Variants in RLF observed in about 807,000 individuals in gnomAD.
RLF encodes the protein RLF zinc finger.
Under a neutral mutation model 162.9 loss-of-function variants are expected in RLF, and 7 were observed. The ratio of observed to expected loss-of-function variants is 0.04; its 90% CI spans 0.02 to 0.08. RLF has a LOEUF of 0.08. RLF is among the 10% of genes least tolerant of loss of function. The pLI, the probability that RLF is intolerant of heterozygous loss-of-function variation, is 1.00. For synonymous variants in RLF, 782 were observed against 791.5 expected (o/e 0.99, Z 0.20); for missense variants, 1,664 against 2,244.7 (o/e 0.74, Z 5.23).
intron 1 of RLF, among the ~76,000 whole-genome samples, chr1:40,178,362 A>T (rs1463413145): frequency 1.3e-5 from 2 of 152,084 alleles, no homozygotes; most frequent in Non-Finnish European, 2.9e-5. Context: ...GCACATAGAG[A>T]CAGGAAATAG....
rs577930241 is a variant in RLF at position 40,179,588 on chromosome 1, T to G, written c.238-9467T>G. ...TACTTTTATTGTGGTAAAGTATACG[T>G]AACATAGAATTTGCCATCTTAACCA... On this transcript the variant is annotated intron_variant, in intron 1 of 7. Coordinates refer to ENST00000372771, the MANE Select transcript of RLF (RefSeq NM_012421.4). 4.6e-5 allele frequency among the ~76,000 whole-genome samples: 7 copies of G among 151,930 alleles called. No homozygotes were observed. The South Asian group carries it at 1.5e-3, about 32-fold the overall frequency.
intron 1 of RLF, among the ~76,000 whole-genome samples, chr1:40,170,894 C>T (rs1642234845): frequency 6.6e-6 from 1 of 152,110 alleles, no homozygotes; most frequent in Non-Finnish European, 1.5e-5. Flanking sequence ...TTGTTTATTT[C>T]TCGCCACTTG....
In RLF at chr1:40,239,869, A is replaced by G. The variant is rs1334363048; in HGVS notation, c.5167A>G (p.Ile1723Val). 6.2e-7 allele frequency: 1 copy of G among 1,613,818 alleles called. No homozygotes were observed. Among genetic ancestry groups the G allele is most frequent in the African/African-American group, 1.3e-5 (1 of 74,942 alleles). ...FTSFQLPLPRIKESETRQHSS... is the reference protein window; with the variant it reads ...FTSFQLPLPRVKESETRQHSS... ...AAGTTTCCAGCTGCCTTTACCAAGG[A>G]TCAAAGAATCAGAAACTAGGCAGCA... Residue 1723 changes from isoleucine to valine, a missense_variant, in exon 8 of 8, where the codon ATC becomes GTC. Physicochemically the swap from Ile to Val is conservative, Grantham distance 29 (BLOSUM62 3). Around this residue, in one of 15 missense-constraint regions of RLF, gnomAD observed 327 missense variants for 342.7 expected, o/e 0.95. Transcript: ENST00000372771.
intron 6 of RLF, among the ~76,000 whole-genome samples, chr1:40,225,852 C>A (rs1418623132): frequency 7.8e-6 from 1 of 128,964 alleles, no homozygotes; most frequent in South Asian, 2.5e-4. Context: ...GCACTCCAGC[C>A]TGGGTGACAG....
rs1202493179 is a variant in RLF at position 40,239,433 on chromosome 1, T to C, written c.4731T>C (p.Ser1577=). ...VRHYKRTHQM[S]SAYLEQQMEN... The stretch of plus-strand genomic sequence containing the variant: ...ATTACAAACGCACTCATCAGATGAG[T>C]AGTGCCTATTTAGAGCAACAGATGG... The change falls in exon 8 of 8, where the codon AGT becomes AGC. Residue 1577 remains serine, a synonymous_variant. Coordinates refer to ENST00000372771, the MANE Select transcript of RLF (RefSeq NM_012421.4). The C allele has an allele frequency of 2.5e-6, 4 of 1,613,922 alleles. No individual in the cohort carries two copies. The highest frequency in any genetic ancestry group is 3.4e-6 in the Non-Finnish European group (4 of 1,180,008).
chr1:40,206,976 C>T (rs1487122128), intron 5 of RLF, among the ~76,000 whole-genome samples: 1 of 152,192 alleles, frequency 6.6e-6, no homozygotes, highest in Non-Finnish European at 1.5e-5. Context: ...TATCTGCTGT[C>T]ATTATTATAA....
At chr1:40,214,032 A>G (rs1570549466) in intron 5 of RLF, among the ~76,000 whole-genome samples, 1 of 152,168 alleles carries the variant, frequency 6.6e-6, no homozygotes, top group East Asian at 1.9e-4. Context: ...GCCTTTTCCT[A>G]ATTTGTTTTC....
intron 1 of RLF, among the ~76,000 whole-genome samples, chr1:40,162,771 C>A (rs1002056710): frequency 2.4e-4 from 37 of 152,180 alleles, no homozygotes; most frequent in African/African-American, 8.2e-4. Flanking sequence ...GTGGATTGTA[C>A]CACTCCAATT....
chr1:40,224,915 A>G (rs1261217929), intron 6 of RLF, among the ~76,000 whole-genome samples: 2 of 151,804 alleles, frequency 1.3e-5, no homozygotes, highest in Non-Finnish European at 2.9e-5. Flanking sequence ...TGAACCTGGG[A>G]GGCGGAGGTT....
At chr1:40,166,214 CAA>C (rs1642163244) in intron 1 of RLF, among the ~76,000 whole-genome samples, 2 of 151,862 alleles carry the variant, frequency 1.3e-5, no homozygotes, top group South Asian at 4.2e-4. Flanking sequence ...GCCTGGCACA[CAA>C]AACTAATTTG....
intron 5 of RLF, among the ~76,000 whole-genome samples, chr1:40,221,637 A>G (rs1486450705): frequency 3.3e-5 from 5 of 150,470 alleles, no homozygotes; most frequent in Non-Finnish European, 5.9e-5. Flanking sequence ...ACGGTGGCTC[A>G]CGACTGTAAT....
At chr1:40,167,726 A>G (rs1371053862) in intron 1 of RLF, among the ~76,000 whole-genome samples, 1 of 149,936 alleles carries the variant, frequency 6.7e-6, no homozygotes, top group East Asian at 1.9e-4. Context: ...TCAAATCACT[A>G]CTAATCTTGT....
intron 4 of RLF, among the ~76,000 whole-genome samples, chr1:40,197,597 A>T (rs575831675): frequency 3.1e-4 from 47 of 152,376 alleles, no homozygotes; most frequent in African/African-American, 1.1e-3. Flanking sequence ...CATTTTTAAC[A>T]TAGAAAAACA....
intron 1 of RLF, among the ~76,000 whole-genome samples, chr1:40,178,631 T>TG (rs1491428894): frequency 1.4e-5 from 2 of 144,836 alleles, no homozygotes; most frequent in African/African-American, 2.6e-5. Flanking sequence ...TTTTTTTTTT[T>TG]GTTTTTTTTT....
chr1:40,170,307 G>T (rs1434544264), intron 1 of RLF, among the ~76,000 whole-genome samples: 1 of 151,900 alleles, frequency 6.6e-6, no homozygotes, highest in Admixed American at 6.5e-5. Flanking sequence ...AGGCTGGAGT[G>T]CGGTGGTGCA....
chr1:40,198,301 C>CTTTT lies in RLF; in HGVS notation c.607+2553_607+2556dup, dbSNP rs34816285. ...AGGTGTGAGCCACCGCGCCCGGCCT[C>CTTTT]TTTTTTTTTTTTTTTTTTTAAAGAC... On this transcript the variant is annotated intron_variant, in intron 4 of 7. Coordinates refer to ENST00000372771, the MANE Select transcript of RLF (RefSeq NM_012421.4). Among the ~76,000 whole-genome samples the CTTTT allele has an allele frequency of 4.9e-4, 61 of 123,794 alleles. 1 individual carries two copies. The highest frequency in any genetic ancestry group is 1.8e-3 in the African/African-American group (58 of 32,118). 81.2% of individuals were successfully genotyped at this position (123,794 alleles called of 152,430 possible).
chr1:40,161,439 G>T lies in RLF; in HGVS notation c.40G>T (p.Ala14Ser), dbSNP rs771591188. The T allele has an allele frequency of 3.2e-6, 5 of 1,573,064 alleles. No individual in the cohort carries two copies. The highest frequency in any genetic ancestry group is 4.3e-6 in the Non-Finnish European group (5 of 1,162,830). ...GGGAGACGCCGCCGCTGTCGCCGGG[G>T]CTGGGGCTGAGGCTCCGGCGGTAGC... ...GKGDAAAVAGAGAEAPAVAGA... is the reference protein window; with the variant it reads ...GKGDAAAVAGSGAEAPAVAGA... The change falls in exon 1 of 8, where the codon GCT becomes TCT. Residue 14 changes from alanine to serine, a missense_variant. Coordinates refer to ENST00000372771, the MANE Select transcript of RLF (RefSeq NM_012421.4). This position sits in a 1 kb window ranked among gnomAD's most constrained non-coding sequence, Gnocchi z 4.4.
chr1:40,224,623 C>CTTTTTTTTTTTTTTTTTTTTTTTTTT (rs1168908018), intron 6 of RLF, among the ~76,000 whole-genome samples: 2 of 33,262 alleles, frequency 6.0e-5, no homozygotes, highest in African/African-American at 2.5e-4. Flanking sequence ...TTTTTGAAAG[C>CTTTTTTTTTTTTTTTTTTTTTTTTTT]TTTTTTTTTT....
intron 5 of RLF, among the ~76,000 whole-genome samples, chr1:40,215,649 T>G (rs1642915918): frequency 6.6e-6 from 1 of 152,068 alleles, no homozygotes; most frequent in Non-Finnish European, 1.5e-5. Context: ...GGCAGAATCA[T>G]AGTTCACTGC....
Sources: allele counts gnomAD v4.1 joint callset (sites outside exome capture counted in the v4.1 genomes callset), GRCh38; gene constraint gnomAD v4.1.1; regional missense constraint gnomAD v4.1.1; non-coding constraint Gnocchi (gnomAD v3.1); transcripts MANE v1.5; gene names NCBI Gene and HGNC (gene_info 2026-07-23, HGNC 2026-07-21).